Variants in TMEM200A observed in about 807,000 individuals in gnomAD.
TMEM200A encodes the protein two transmembrane C.
A neutral mutation model predicts 24.3 loss-of-function variants in TMEM200A; 12 were observed. The ratio of observed to expected loss-of-function variants is 0.49; its 90% confidence interval spans 0.32 to 0.80. The LOEUF is 0.80. Among genes scored for constraint, TMEM200A ranks in the 30% least tolerant of loss-of-function variants. The probability of loss-of-function intolerance (pLI) is 0.04; values close to 1 mark genes in which losing one functional copy is unlikely to be tolerated. For missense variants in TMEM200A, 545 were observed against 614.4 expected, an observed-to-expected ratio of 0.89 and a Z score of 1.19; for synonymous variants, 224 against 224.4, an observed-to-expected ratio of 1.00 and a Z score of 0.02.
intron 2 of TMEM200A, among the ~76,000 whole-genome samples, chr6:130,404,929 C>T (rs966602177): frequency 7.2e-5 from 11 of 152,060 alleles, no homozygotes; most frequent in African/African-American, 2.7e-4. Flanking sequence ...ATCCTTTCCC[C>T]ATTGTTTTTG....
chr6:130,372,080 T>C (rs1471968836), intron 1 of TMEM200A, among the ~76,000 whole-genome samples: 1 of 152,178 alleles, frequency 6.6e-6, no homozygotes. Flanking sequence ...TTGCCCGAGC[T>C]CCTGGAGCCA....
chr6:130,400,325 A>G (rs1779054713), intron 2 of TMEM200A, among the ~76,000 whole-genome samples: 1 of 152,116 alleles, frequency 6.6e-6, no homozygotes, highest in African/African-American at 2.4e-5. Flanking sequence ...GAATCCCTAC[A>G]CTGCTTTCCA....
At chr6:130,386,604 C>T (rs1343845450) in intron 2 of TMEM200A, among the ~76,000 whole-genome samples, 1 of 152,110 alleles carries the variant, frequency 6.6e-6, no homozygotes, top group Non-Finnish European at 1.5e-5. Flanking sequence ...TTGTTCCAGT[C>T]CTTACCCTTT....
intron 2 of TMEM200A, among the ~76,000 whole-genome samples, chr6:130,390,990 G>A (rs1778819399): frequency 6.6e-6 from 1 of 152,164 alleles, no homozygotes; most frequent in Non-Finnish European, 1.5e-5. Context: ...CCAAGTTGTA[G>A]CAAAAAATTG....
chr6:130,374,428 T>G (rs1471426827), intron 1 of TMEM200A, among the ~76,000 whole-genome samples: 1 of 149,138 alleles, frequency 6.7e-6, no homozygotes, highest in Non-Finnish European at 1.5e-5. Flanking sequence ...GTTTTTTTTT[T>G]TTCAGACGGA....
intron 2 of TMEM200A, among the ~76,000 whole-genome samples, chr6:130,434,047 A>G (rs1353025120): frequency 6.6e-6 from 1 of 152,118 alleles, no homozygotes; most frequent in Admixed American, 6.5e-5. Context: ...TTAAATGTTT[A>G]TTTCTACTGT....
rs145610250 is a variant in TMEM200A, at chr6:130,382,307, C to A, written c.-80-2866C>A. On this transcript the variant is annotated intron_variant, in intron 1 of 2. Transcript: ENST00000296978. The stretch of plus-strand genomic sequence containing the variant: ...AGTGTTGTTCCCTTCCCTTTCGGCT[C>A]GCACTTGCCTCTCTCCATTCCGTCT... Among the ~76,000 whole-genome samples, 567 of 152,304 alleles carry A rather than the reference C, an allele frequency of 3.7e-3. 5 individuals carry two copies. The highest frequency in any genetic ancestry group is 0.013 in the African/African-American group (540 of 41,562).
intron 1 of TMEM200A, among the ~76,000 whole-genome samples, chr6:130,372,106 G>C (rs1019733596): frequency 3.9e-5 from 6 of 152,208 alleles, no homozygotes; most frequent in African/African-American, 1.2e-4. Flanking sequence ...GAAAGTGAAA[G>C]AGCTGGCATG....
At chr6:130,372,939 G>A (rs767337149) in intron 1 of TMEM200A, among the ~76,000 whole-genome samples, 16 of 152,334 alleles carry the variant, frequency 1.1e-4, no homozygotes, top group South Asian at 2.1e-4. Context: ...AAATAAAGCT[G>A]GTAGAGATAT....
At chr6:130,440,091 G>A (rs1780118956) in intron 2 of TMEM200A, among the ~76,000 whole-genome samples, 1 of 151,530 alleles carries the variant, frequency 6.6e-6, no homozygotes, top group Non-Finnish European at 1.5e-5. Context: ...TGTGGCCAGG[G>A]GACTATTTTA....
At position 130,419,484 on chromosome 6, in the gene TMEM200A, A is replaced by G. The variant is rs763598233; in HGVS notation, c.-16-20923A>G. ...TGGTATTTCTATTTTTATGTTTTTG[A>G]GAAATGTCCATACTGTTTCGCATAG... On this transcript the variant is annotated intron_variant, in intron 2 of 2. Coordinates refer to ENST00000296978, the MANE Select transcript of TMEM200A (RefSeq NM_001258277.2). Among the ~76,000 whole-genome samples the G allele has an allele frequency of 5.9e-5, 9 of 152,116 alleles. 1 individual carries two copies. Among genetic ancestry groups the G allele is most frequent in the Non-Finnish European group, 1.0e-4 (7 of 68,016 alleles).
intron 2 of TMEM200A, among the ~76,000 whole-genome samples, chr6:130,410,086 A>G (rs149356089): frequency 1.6e-3 from 247 of 152,328 alleles, no homozygotes; most frequent in Non-Finnish European, 3.0e-3. Flanking sequence ...TTTTGAAACT[A>G]AAGTGAATGT....
At chr6:130,437,386 T>G (rs886234566) in intron 2 of TMEM200A, 2 of 152,232 alleles carry the variant, frequency 1.3e-5, no homozygotes, top group Admixed American at 1.3e-4. Flanking sequence ...TTCTGTTTTA[T>G]GTGGATCTGT....
At chr6:130,432,395 C>T (rs772600043) in intron 2 of TMEM200A, among the ~76,000 whole-genome samples, 11 of 152,192 alleles carry the variant, frequency 7.2e-5, no homozygotes, top group Non-Finnish European at 1.0e-4. Context: ...AAAAGAAAGG[C>T]GTGCTTTATT....
At chr6:130,424,450 C>G (rs1462581236) in intron 2 of TMEM200A, among the ~76,000 whole-genome samples, 1 of 152,054 alleles carries the variant, frequency 6.6e-6, no homozygotes, top group South Asian at 2.1e-4. Context: ...CATACTTTCC[C>G]CCAAAGTCTC....
At chr6:130,411,167 CAA>C (rs530219251) in intron 2 of TMEM200A, among the ~76,000 whole-genome samples, 8,356 of 130,160 alleles carry the variant, frequency 0.064, 754 homozygotes, top group African/African-American at 0.21. Context: ...AACTCCATCT[CAA>C]AAAAAAAAAA....
At chr6:130,430,993 A>G (rs1351846430) in intron 2 of TMEM200A, among the ~76,000 whole-genome samples, 2 of 152,216 alleles carry the variant, frequency 1.3e-5, no homozygotes, top group African/African-American at 2.4e-5. Flanking sequence ...TGGTGATTCT[A>G]TCTTGGTGAG....
chr6:130,390,950 C>G (rs1165265374), intron 2 of TMEM200A, among the ~76,000 whole-genome samples: 1 of 152,228 alleles, frequency 6.6e-6, no homozygotes, highest in East Asian at 1.9e-4. Context: ...TCTGTAACCT[C>G]TACCTACTGT....
intron 2 of TMEM200A, among the ~76,000 whole-genome samples, chr6:130,434,590 G>A (rs1350801936): frequency 1.3e-5 from 2 of 152,138 alleles, no homozygotes; most frequent in South Asian, 2.1e-4. Context: ...ATACCAGAAT[G>A]TGCTTAAGCT....
Sources: allele counts gnomAD v4.1 joint callset (sites outside exome capture counted in the v4.1 genomes callset), GRCh38; gene constraint gnomAD v4.1.1; transcripts MANE v1.5; gene names NCBI Gene and HGNC (gene_info 2026-07-23, HGNC 2026-07-21).